Variants in INSL6 observed in about 807,000 individuals in gnomAD.
INSL6 encodes insulin-like peptide INSL6.
A neutral mutation model predicts 9.4 loss-of-function variants in INSL6; 16 were observed. That is an observed-to-expected ratio of 1.70 (90% CI 1.15 to 2.59). INSL6 has a LOEUF of 2.59. Among genes scored for constraint, INSL6 ranks in the 30% most tolerant of loss-of-function variants. INSL6 has a pLI of 0.00. For missense variants in INSL6, 391 were observed against 257.3 expected (o/e 1.52, Z -3.56); for synonymous variants, 154 against 96.9 (o/e 1.59, Z -3.46).
the INSL6 span, among the ~76,000 whole-genome samples, chr9:5,026,988 C>T: frequency 1.3e-5 from 2 of 152,164 alleles, no homozygotes; most frequent in African/African-American, 4.8e-5. Flanking sequence ...TAAGAGTATT[C>T]ATGACTTCTA....
chr9:5,139,235 G>A (rs1351558169), intron 2 of INSL6, among the ~76,000 whole-genome samples: 1 of 152,214 alleles, frequency 6.6e-6, no homozygotes, highest in East Asian at 1.9e-4. Flanking sequence ...GTATAGCATT[G>A]TGGCTTTGAA....
chr9:5,008,312 A>G, the INSL6 span, among the ~76,000 whole-genome samples: 1 of 152,198 alleles, frequency 6.6e-6, no homozygotes, highest in African/African-American at 2.4e-5. Flanking sequence ...CATGTGGTCT[A>G]CTTTCTAAAA....
chr9:5,084,996 C>A, the INSL6 span: 1 of 847,810 alleles, frequency 1.2e-6, no homozygotes, highest in South Asian at 1.3e-5. Context: ...AAAGAGTTGT[C>A]ATTTATGTCT....
the INSL6 span, among the ~76,000 whole-genome samples, chr9:5,082,575 C>G: frequency 6.6e-6 from 1 of 152,266 alleles, no homozygotes. Context: ...CTCCCCAGCA[C>G]AGACCCTTCA....
chr9:5,120,328 A>C (rs1222084555), downstream of INSL6, among the ~76,000 whole-genome samples: 1 of 152,250 alleles, frequency 6.6e-6, no homozygotes, highest in Admixed American at 6.5e-5. Context: ...CATCACATTA[A>C]CAACACCTGA....
At chr9:5,105,982 C>A in the INSL6 span, among the ~76,000 whole-genome samples, 1 of 146,810 alleles carries the variant, frequency 6.8e-6, no homozygotes, top group African/African-American at 2.4e-5. Context: ...CTAGGCAATA[C>A]CATTCAGGAC....
At chr9:5,024,621 A>G in the INSL6 span, among the ~76,000 whole-genome samples, 6 of 151,436 alleles carry the variant, frequency 4.0e-5, no homozygotes, top group Non-Finnish European at 8.8e-5. Context: ...TCCCAAATAA[A>G]CTCTCCTCTG....
chr9:5,102,012 C>T, the INSL6 span, among the ~76,000 whole-genome samples: 1 of 152,076 alleles, frequency 6.6e-6, no homozygotes, highest in Non-Finnish European at 1.5e-5. Context: ...AGGATTGCAG[C>T]TCCTTGCCAG....
chr9:5,094,190 C>G, the INSL6 span: 1 of 152,062 alleles, frequency 6.6e-6, no homozygotes, highest in Non-Finnish European at 1.5e-5. Flanking sequence ...GACCTGATAC[C>G]GTAGGCCCCT....
chr9:5,061,790 G>A, the INSL6 span, among the ~76,000 whole-genome samples: 2 of 152,252 alleles, frequency 1.3e-5, no homozygotes, highest in South Asian at 2.1e-4. Flanking sequence ...AGCTTTCAGC[G>A]TGTGTTGGCT....
the INSL6 span, among the ~76,000 whole-genome samples, chr9:5,019,746 G>A: frequency 1.3e-5 from 2 of 152,098 alleles, no homozygotes; most frequent in African/African-American, 2.4e-5. Flanking sequence ...GGGCACTTTG[G>A]GTTTGAATCT....
chr9:5,004,918 CTTT>C, the INSL6 span, among the ~76,000 whole-genome samples: 2 of 131,324 alleles, frequency 1.5e-5, no homozygotes, highest in Admixed American at 7.6e-5. Context: ...TACATATTGT[CTTT>C]TTTTTTTTTT....
At chr9:5,029,203 ATTG>A in the INSL6 span, among the ~76,000 whole-genome samples, 3 of 152,082 alleles carry the variant, frequency 2.0e-5, no homozygotes, top group African/African-American at 7.2e-5. Flanking sequence ...TAATTTCCAT[ATTG>A]TTGTGTCTCA....
At chr9:5,014,117 T>C in the INSL6 span, among the ~76,000 whole-genome samples, 1 of 151,960 alleles carries the variant, frequency 6.6e-6, no homozygotes, top group Non-Finnish European at 1.5e-5. Context: ...TTTTTGAGTG[T>C]ATGTGTACAG....
At chr9:5,076,261 A>G in the INSL6 span, among the ~76,000 whole-genome samples, 1 of 152,178 alleles carries the variant, frequency 6.6e-6, no homozygotes, top group African/African-American at 2.4e-5. Flanking sequence ...GAGAGGACTG[A>G]CCCTGTAAAG....
downstream of INSL6, among the ~76,000 whole-genome samples, chr9:5,158,987 TGAG>T (rs1352651983): frequency 1.3e-5 from 2 of 152,118 alleles, no homozygotes; most frequent in Non-Finnish European, 2.9e-5. Context: ...AAAAAGTTAA[TGAG>T]GAGACAAAGT....
chr9:5,074,604 A>G, the INSL6 span, among the ~76,000 whole-genome samples: 1 of 152,238 alleles, frequency 6.6e-6, no homozygotes, highest in Admixed American at 6.5e-5. Flanking sequence ...TGCTCCATCA[A>G]TGAGCCATTC....
At chr9:5,085,063 T>A in the INSL6 span, 1 of 709,214 alleles carries the variant, frequency 1.4e-6, no homozygotes, top group Non-Finnish European at 2.6e-6. Context: ...GATGAGAAGT[T>A]TACTGCTCTC....
At chr9:5,170,176 C>G (rs568259865) in intron 1 of INSL6, among the ~76,000 whole-genome samples, 1 of 152,114 alleles carries the variant, frequency 6.6e-6, no homozygotes, top group Non-Finnish European at 1.5e-5. Flanking sequence ...CACAATCAAA[C>G]TAGAACTCAA....
Sources: allele counts gnomAD v4.1 joint callset (sites outside exome capture counted in the v4.1 genomes callset), GRCh38; gene constraint gnomAD v4.1.1; transcripts MANE v1.5; gene names NCBI Gene and HGNC (gene_info 2026-07-23, HGNC 2026-07-21).